The following ROS1 variants were observed in gnomAD, a reference collection of about 807,000 sequenced individuals.
ROS1 encodes ROS proto-oncogene 1, receptor tyrosine kinase.
A neutral mutation model predicts 273.5 loss-of-function variants in ROS1; 263 were observed. The ratio of observed to expected loss-of-function variants is 0.96; its 90% CI spans 0.87 to 1.06. The LOEUF is 1.06. Ranked by LOEUF, ROS1 falls within the 50% of genes least tolerant of loss-of-function variation. The probability of loss-of-function intolerance (pLI) is 0.00; values close to 1 mark genes in which losing one functional copy is unlikely to be tolerated. For synonymous variants in ROS1, 1,008 were observed against 954.1 expected (o/e 1.06, Z -1.04); for missense variants, 2,833 against 2,751.1 (o/e 1.03, Z -0.67).
chr6:117,409,648 G>A lies in ROS1; in HGVS notation c.256-6C>T. On this transcript the variant is annotated splice_polypyrimidine_tract_variant and splice_region_variant and intron_variant, in intron 4 of 43. Transcript: ENST00000368507. ...CCAACCTCACACGACTCCCGCTGTG[G>A]AAGACAGGGAGCATGACAGTCAGGG... 1 of 1,613,352 alleles carries A rather than the reference G, an allele frequency of 6.2e-7. No homozygotes were observed.
rs535778217 is a variant in ROS1 at position 117,366,207 on chromosome 6, C to T, written c.2666G>A (p.Arg889Gln). Residue 889 changes from arginine (R) to glutamine (Q), a missense_variant, in exon 19 of 44, where the codon CGG becomes CAG. By Grantham distance (43) the Arg-to-Gln change is conservative (BLOSUM62 1). Transcript: ENST00000368507. Reference protein sequence around the residue: ...SQNALMYYSGRLFWINGFRII... With the variant: ...SQNALMYYSGQLFWINGFRII... The stretch of plus-strand genomic sequence containing the variant: ...CCTAAAGCCATTGATCCAGAACAGC[C>T]GACCACTATAGTACATCAGTGCATT... The T allele has an allele frequency of 6.8e-6, 11 of 1,614,004 alleles. No individual in the cohort carries two copies. The highest frequency in any genetic ancestry group is 5.0e-5 in the Admixed American group (3 of 59,998).
intron 32 of ROS1, among the ~76,000 whole-genome samples, chr6:117,333,249 A>G (rs1777227201): frequency 6.6e-6 from 1 of 152,216 alleles, no homozygotes; most frequent in South Asian, 2.1e-4. Flanking sequence ...GAAAATCTAG[A>G]AGAAATGGAT....
chr6:117,320,083 C>A (rs2243386), intron 36 of ROS1, 53 bp from the exon 37 acceptor site: 179,557 of 1,495,504 alleles, frequency 0.12, 11,460 homozygotes, highest in Middle Eastern at 0.16. Context: ...ATAGGGTGTA[C>A]AAGTTTGTGT....
Position 117,356,934 on chromosome 6 carries a change from TC to T in ROS1, c.3840-20del. Reference sequence around the variant, plus strand: ...CAAGCGACTATAGAGGAAAAAAAAGTCCCCCCAACTTAATGAGTAAAATACA... The same window carrying T: ...CAAGCGACTATAGAGGAAAAAAAAGTCCCCCAACTTAATGAGTAAAATACA... On this transcript the variant is annotated intron_variant, in intron 25 of 43. Coordinates refer to ENST00000368507, the MANE Select transcript of ROS1 (RefSeq NM_001378902.1). The T allele has an allele frequency of 2.5e-6, 4 of 1,586,740 alleles. No homozygotes were observed. The highest frequency in any genetic ancestry group is 3.4e-6 in the Non-Finnish European group (4 of 1,166,516).
At chr6:117,389,890 G>T in intron 12 of ROS1, 44 bp from the exon 13 acceptor site, 2 of 1,546,486 alleles carry the variant, frequency 1.3e-6, no homozygotes, top group Non-Finnish European at 1.8e-6. Context: ...CAGTCCAAAG[G>T]TTGATGAGTA....
chr6:117,399,425 G>A (rs1773769808), intron 7 of ROS1, among the ~76,000 whole-genome samples: 1 of 152,234 alleles, frequency 6.6e-6, no homozygotes, highest in Non-Finnish European at 1.5e-5. Context: ...AATCAGCAGA[G>A]GTGGCCACAC....
intron 9 of ROS1, among the ~76,000 whole-genome samples, chr6:117,395,356 T>C (rs568349699): frequency 6.6e-6 from 1 of 152,164 alleles, no homozygotes; most frequent in Non-Finnish European, 1.5e-5. Context: ...TGGACGTGCT[T>C]CTTACATAAC....
chr6:117,390,317 G>C (rs1772963073), intron 12 of ROS1, among the ~76,000 whole-genome samples: 1 of 152,008 alleles, frequency 6.6e-6, no homozygotes, highest in African/African-American at 2.4e-5. Flanking sequence ...TGTGGAGACA[G>C]GGTATCACCG....
At position 117,301,125 on chromosome 6, in the gene ROS1, C is replaced by G. The variant is rs1213243422; in HGVS notation, c.6564G>C (p.Met2188Ile). 6.3e-7 allele frequency: 1 copy of G among 1,583,236 alleles called. No individual in the cohort carries two copies. Among genetic ancestry groups the G allele is most frequent in the East Asian group, 2.3e-5 (1 of 43,806 alleles). Residue 2188 changes from methionine to isoleucine, a missense_variant, in exon 43 of 44, where the codon ATG becomes ATC. By Grantham distance (10) the Met-to-Ile change is conservative (BLOSUM62 1). Transcript: ENST00000368507. ...CGGGTTCTTGAGCCCAGCACTGGGT[C>G]ATTAAATTCCACCTAAATATATGGG... ...RNCPDDLWNLMTQCWAQEPDQ... is the reference protein window; with the variant it reads ...RNCPDDLWNLITQCWAQEPDQ...
chr6:117,392,737 A>G (rs1332833563), intron 12 of ROS1, among the ~76,000 whole-genome samples: 1 of 152,216 alleles, frequency 6.6e-6, no homozygotes, highest in African/African-American at 2.4e-5. Flanking sequence ...GTTATCAATC[A>G]GCTCCTGTCT....
At chr6:117,325,169 G>A (rs1057513926) in intron 34 of ROS1, among the ~76,000 whole-genome samples, 7 of 152,104 alleles carry the variant, frequency 4.6e-5, no homozygotes, top group African/African-American at 1.4e-4. Context: ...AATCATGTAA[G>A]TTTTATATAG....
At chr6:117,354,379 G>A (rs779643505) in intron 26 of ROS1, among the ~76,000 whole-genome samples, 5 of 151,742 alleles carry the variant, frequency 3.3e-5, no homozygotes, top group Non-Finnish European at 5.9e-5. Flanking sequence ...CTTACAATGA[G>A]CTACAACAGT....
intron 6 of ROS1, 63 bp downstream of exon 6, chr6:117,404,217 T>C (rs1449758367): frequency 1.9e-5 from 27 of 1,394,726 alleles, no homozygotes; most frequent in Non-Finnish European, 2.6e-5. Context: ...CGAGACTCCG[T>C]CTCAAAAAAA....
At chr6:117,345,124 A>G (rs778716000) in intron 27 of ROS1, among the ~76,000 whole-genome samples, 5 of 152,208 alleles carry the variant, frequency 3.3e-5, no homozygotes, top group African/African-American at 4.8e-5. Context: ...GCACTGTGCA[A>G]TCTGGCTCCT....
At position 117,308,929 on chromosome 6, in the gene ROS1, C is replaced by T. The variant is rs377405995; in HGVS notation, c.6417-1G>A. ...CTCCCAAATCAGAATTCCAAAAGAC[C>T]TAAGAATAGTAGAGGGTTTGCTTTA... On this transcript the variant is annotated splice_acceptor_variant, in intron 41 of 43. Coordinates refer to ENST00000368507, the MANE Select transcript of ROS1 (RefSeq NM_001378902.1). LOFTEE classifies it high-confidence loss of function. 1.9e-6 allele frequency: 3 copies of T among 1,612,114 alleles called. No individual in the cohort carries two copies. The highest frequency in any genetic ancestry group is 2.5e-6 in the Non-Finnish European group (3 of 1,179,038).
chr6:117,356,240 G>A (rs1344101874), intron 26 of ROS1, among the ~76,000 whole-genome samples: 1 of 152,088 alleles, frequency 6.6e-6, no homozygotes, highest in Admixed American at 6.5e-5. Flanking sequence ...AACTAACTGT[G>A]GCCCTTGGGA....
At chr6:117,324,517 C>G (rs2128575602) in intron 34 of ROS1, 102 bp from the exon 35 acceptor site, 1 of 594,768 alleles carries the variant, frequency 1.7e-6, no homozygotes, top group South Asian at 2.3e-5. Flanking sequence ...CTAGCTACTA[C>G]TGGATTTTTG....
intron 38 of ROS1, 55 bp from the exon 39 acceptor site, chr6:117,317,327 C>T (rs113622689): frequency 1.1e-5 from 18 of 1,572,310 alleles, no homozygotes; most frequent in African/African-American, 2.7e-5. Context: ...GAGTCCTAGC[C>T]GAGGGTCTTT....
chr6:117,348,234 G>C (rs1778533495), intron 27 of ROS1, among the ~76,000 whole-genome samples: 1 of 151,880 alleles, frequency 6.6e-6, no homozygotes, highest in Admixed American at 6.6e-5. Flanking sequence ...ATTTCAGAAG[G>C]CTATTAATTA....
Sources: allele counts gnomAD v4.1 joint callset (sites outside exome capture counted in the v4.1 genomes callset), GRCh38; gene constraint gnomAD v4.1.1; transcripts MANE v1.5; gene names NCBI Gene and HGNC (gene_info 2026-07-23, HGNC 2026-07-21).